PAPPA: variants seen among roughly 807,000 people sequenced by gnomAD.
PAPPA encodes pappalysin-1.
In PAPPA, 60 loss-of-function variants were observed where a neutral mutation model predicts 164.0. The observed-to-expected ratio is 0.37, with a 90% CI of 0.30 to 0.45. The LOEUF is 0.45. Ranked by LOEUF, PAPPA falls within the 20% of genes least tolerant of loss-of-function variation. The pLI, the probability that PAPPA is intolerant of heterozygous loss-of-function variation, is 1.00. For synonymous variants in PAPPA, 875 were observed against 814.1 expected, an observed-to-expected ratio of 1.07 and a Z score of -1.27; for missense variants, 1,782 against 2,087.3, an observed-to-expected ratio of 0.85 and a Z score of 2.85.
At chr9:116,182,553 G>A (rs1161987025) in intron 1 of PAPPA, among the ~76,000 whole-genome samples, 1 of 152,142 alleles carries the variant, frequency 6.6e-6, no homozygotes, top group Admixed American at 6.5e-5. Context: ...TTACCATGAT[G>A]ATCTTTAGAG....
intron 1 of PAPPA, among the ~76,000 whole-genome samples, chr9:116,163,258 G>C (rs140268683): frequency 6.6e-6 from 1 of 152,304 alleles, no homozygotes; most frequent in East Asian, 1.9e-4. Context: ...AGAAAAAGTT[G>C]AGAAGGAAGT....
At chr9:116,189,353 G>T (rs1398370599) in intron 2 of PAPPA, among the ~76,000 whole-genome samples, 3 of 152,120 alleles carry the variant, frequency 2.0e-5, no homozygotes, top group African/African-American at 7.2e-5. Flanking sequence ...TAAACTGTTT[G>T]CTATCTATAT....
chr9:116,244,267 T>C (rs1009444237), intron 7 of PAPPA, among the ~76,000 whole-genome samples: 1 of 152,188 alleles, frequency 6.6e-6, no homozygotes, highest in Non-Finnish European at 1.5e-5. Context: ...TATAAACTTT[T>C]ATAGATTACT....
At chr9:116,358,633 T>C (rs763837668) in intron 17 of PAPPA, among the ~76,000 whole-genome samples, 7 of 152,236 alleles carry the variant, frequency 4.6e-5, no homozygotes, top group Non-Finnish European at 8.8e-5. Context: ...GGTTTTGTCT[T>C]GCTCGGATGC....
At chr9:116,225,319 G>A (rs1564190436) in intron 5 of PAPPA, among the ~76,000 whole-genome samples, 1 of 152,146 alleles carries the variant, frequency 6.6e-6, no homozygotes, top group Admixed American at 6.5e-5. Flanking sequence ...TTCTGCATTT[G>A]AGTATATTTG....
chr9:116,172,888 G>A (rs762213063), intron 1 of PAPPA, among the ~76,000 whole-genome samples: 20 of 152,252 alleles, frequency 1.3e-4, no homozygotes, highest in East Asian at 1.9e-4. Flanking sequence ...TGCATTCCAC[G>A]ATGTTTTACA....
intron 8 of PAPPA, among the ~76,000 whole-genome samples, chr9:116,266,790 T>C (rs1845073011): frequency 6.6e-6 from 1 of 152,184 alleles, no homozygotes; most frequent in Non-Finnish European, 1.5e-5. Flanking sequence ...AAATAGAGAA[T>C]TTTGTCTCTA....
chr9:116,241,061 G>A (rs1844729763), intron 7 of PAPPA, among the ~76,000 whole-genome samples: 1 of 152,168 alleles, frequency 6.6e-6, no homozygotes, highest in Non-Finnish European at 1.5e-5. Flanking sequence ...AAGGAAAGGA[G>A]ATGTTTATAT....
chr9:116,154,139 AGGGGCGAAGGG>A lies in PAPPA; in HGVS notation c.-27_-17del. ...AGCTGGCAGCTCCGGGTGGCGGTGC[AGGGGCGAAGGG>A]GGGGCGGGGGGAACCGTCGGACATG... On this transcript the variant is annotated 5_prime_UTR_variant, in exon 1 of 22. Transcript: ENST00000328252. The surrounding 1 kb of genome is among the most constrained non-coding windows in gnomAD (Gnocchi z 5.2). 2.3e-6 allele frequency: 1 copy of A among 426,938 alleles called. No individual in the cohort carries two copies. The highest frequency in any genetic ancestry group is 3.1e-6 in the Non-Finnish European group (1 of 326,318). The allele number at this position is 426,938 out of a possible 1,614,324, so 26.4% of individuals were successfully genotyped here.
At chr9:116,374,050 G>A (rs1365212847) in intron 19 of PAPPA, among the ~76,000 whole-genome samples, 1 of 151,176 alleles carries the variant, frequency 6.6e-6, no homozygotes, top group African/African-American at 2.4e-5. Context: ...GTTGGTGGAG[G>A]TGGTGATGTT....
In PAPPA at chr9:116,399,579, G is replaced by C. The variant is rs41266655; in HGVS notation, c.*2963G>C. On this transcript the variant is annotated 3_prime_UTR_variant, in exon 22 of 22. Coordinates refer to ENST00000328252, the MANE Select transcript of PAPPA (RefSeq NM_002581.5). ...CTAAAACACTGAAGGTTCTGCATCTGAAGTATTAGATTGTTAGCAGCAAAA... is the reference window on the plus strand; with the variant it reads ...CTAAAACACTGAAGGTTCTGCATCTCAAGTATTAGATTGTTAGCAGCAAAA... 6.6e-6 allele frequency: 1 copy of C among 152,580 alleles called. No individual in the cohort carries two copies. The highest frequency in any genetic ancestry group is 2.1e-4 in the South Asian group (1 of 4,822). The allele number at this position is 152,580 out of a possible 1,614,324, so 9.5% of individuals were successfully genotyped here. A position where few individuals can be genotyped will look rare whatever the true frequency, so the allele number is the denominator to read the frequency against.
At chr9:116,373,385 G>A (rs987559659) in intron 19 of PAPPA, 2 of 152,020 alleles carry the variant, frequency 1.3e-5, no homozygotes, top group Non-Finnish European at 2.9e-5. Context: ...CTGGAAAGAA[G>A]CCAGAAACTC....
chr9:116,362,808 G>T (rs1846447141), intron 18 of PAPPA, 69 bp downstream of exon 18: 1 of 1,507,692 alleles, frequency 6.6e-7, no homozygotes, highest in East Asian at 2.3e-5. Context: ...CTAATGCCTG[G>T]GTGGGTCATT....
At chr9:116,231,075 G>GTA (rs3838263) in intron 6 of PAPPA, among the ~76,000 whole-genome samples, 1,549 of 150,768 alleles carry the variant, frequency 0.01, 28 homozygotes, top group African/African-American at 0.035. Context: ...CAGCTGCAGT[G>GTA]TATATATATA....
At chr9:116,300,594 T>A (rs902448213) in intron 9 of PAPPA, among the ~76,000 whole-genome samples, 1 of 152,218 alleles carries the variant, frequency 6.6e-6, no homozygotes, top group South Asian at 2.1e-4. Flanking sequence ...CTTTTGATAG[T>A]ATTTCACTGG....
At chr9:116,179,764 T>C (rs1587940447) in intron 1 of PAPPA, among the ~76,000 whole-genome samples, 1 of 152,310 alleles carries the variant, frequency 6.6e-6, no homozygotes, top group Middle Eastern at 3.4e-3. Context: ...TCTGTTTTAA[T>C]CACTGTCCTC....
chr9:116,326,147 A>C (rs1307965558), intron 10 of PAPPA, among the ~76,000 whole-genome samples: 2 of 152,166 alleles, frequency 1.3e-5, no homozygotes, highest in Non-Finnish European at 2.9e-5. Flanking sequence ...AGTAATCAAG[A>C]GGCTTATGTC....
intron 18 of PAPPA, among the ~76,000 whole-genome samples, chr9:116,364,769 G>T (rs1031961665): frequency 1.3e-5 from 2 of 152,186 alleles, no homozygotes; most frequent in Non-Finnish European, 2.9e-5. Flanking sequence ...GAGGGGAAGG[G>T]GTGGGAGGGT....
chr9:116,170,435 T>G (rs1010756868), intron 1 of PAPPA, among the ~76,000 whole-genome samples: 2 of 152,176 alleles, frequency 1.3e-5, no homozygotes, highest in African/African-American at 4.8e-5. Flanking sequence ...TCTGAGTTTT[T>G]AAATAGGCAA....
Sources: allele counts gnomAD v4.1 joint callset (sites outside exome capture counted in the v4.1 genomes callset), GRCh38; gene constraint gnomAD v4.1.1; non-coding constraint Gnocchi (gnomAD v3.1); transcripts MANE v1.5; gene names NCBI Gene and HGNC (gene_info 2026-07-23, HGNC 2026-07-21).